The following PAX7 variants were observed in gnomAD, a reference collection of about 807,000 sequenced individuals.
The protein encoded by PAX7 is paired box 7, also known as paired box protein Pax-7.
A neutral mutation model predicts 50.7 loss-of-function variants in PAX7; 18 were observed. The ratio of observed to expected loss-of-function variants is 0.36; its 90% CI spans 0.25 to 0.53. The LOEUF is 0.53. PAX7 is among the 20% of genes least tolerant of loss of function. The probability of loss-of-function intolerance (pLI) is 0.93; values close to 1 mark genes in which losing one functional copy is unlikely to be tolerated. For missense variants in PAX7, 644 were observed against 702.9 expected (o/e 0.92, Z 0.95); for synonymous variants, 310 against 290.4 (o/e 1.07, Z -0.69).
chr1:18,641,532 G>A (rs866006175), intron 4 of PAX7, among the ~76,000 whole-genome samples: 5 of 152,256 alleles, frequency 3.3e-5, no homozygotes, highest in African/African-American at 4.8e-5. Flanking sequence ...CTGCGAGGGC[G>A]TGCGGGTTTT....
intron 4 of PAX7, among the ~76,000 whole-genome samples, chr1:18,644,415 ATGT>A (rs943179810): frequency 6.6e-6 from 1 of 152,174 alleles, no homozygotes; most frequent in Admixed American, 6.5e-5. Flanking sequence ...GCTAAGACAA[ATGT>A]TGTTATCCTT....
intron 6 of PAX7, among the ~76,000 whole-genome samples, chr1:18,701,980 C>G (rs1557539571): frequency 6.6e-6 from 1 of 152,136 alleles, no homozygotes; most frequent in Non-Finnish European, 1.5e-5. Context: ...GGAACTTGCT[C>G]TCATTCTGTC....
Position 18,686,772 on chromosome 1 carries a change from C to T in PAX7, c.587-4982C>T, listed in dbSNP as rs1023094529. 3.3e-5 allele frequency among the ~76,000 whole-genome samples: 5 copies of T among 152,098 alleles called. No individual in the cohort carries two copies. The East Asian group carries it at 5.8e-4, about 18-fold the overall frequency. On this transcript the variant is annotated intron_variant, in intron 4 of 8. Transcript: ENST00000420770. ...CACACTGCTTTGACCCTGTACTCCC[C>T]GCCCCGTTTCCTTTTCTGTCATCAC...
In PAX7 at chr1:18,633,384, T is replaced by C. The variant is rs567994855; in HGVS notation, c.86-919T>C. On this transcript the variant is annotated intron_variant, in intron 1 of 8. Transcript: ENST00000420770. Reference sequence around the variant, plus strand: ...TGAGGAAATTGTGTAGACTTTGCATTAAGGCAACCAGGCGTTCTCCCCTCC... The same window carrying C: ...TGAGGAAATTGTGTAGACTTTGCATCAAGGCAACCAGGCGTTCTCCCCTCC... Among the ~76,000 whole-genome samples, 6 of 152,232 alleles carry C rather than the reference T, an allele frequency of 3.9e-5. No homozygotes were observed. The South Asian group carries it at 6.2e-4, about 16-fold the overall frequency.
rs3079731 is a variant in PAX7 at position 18,639,395 on chromosome 1, A to ATTTTTT, written c.586+3030_586+3035dup. ...GGCTGATATTCATGAGGCTGTTCAT[A>ATTTTTT]TTTTTTTTTTTGCTCTTATCCTTGT... On this transcript the variant is annotated intron_variant, in intron 4 of 8. Transcript: ENST00000420770. Among the ~76,000 whole-genome samples the ATTTTTT allele has an allele frequency of 9.0e-3, 1,351 of 149,282 alleles. 16 individuals carry two copies. The highest frequency in any genetic ancestry group is 0.035 in the East Asian group (179 of 5,050).
chr1:18,638,546 T>G (rs1023084105), intron 4 of PAX7, among the ~76,000 whole-genome samples: 1 of 152,196 alleles, frequency 6.6e-6, no homozygotes, highest in Non-Finnish European at 1.5e-5. Context: ...AGTTTTTGCG[T>G]GACAGTGGGT....
chr1:18,689,545 T>C (rs1489458545), intron 4 of PAX7, among the ~76,000 whole-genome samples: 3 of 152,038 alleles, frequency 2.0e-5, no homozygotes, highest in Admixed American at 6.5e-5. Context: ...CTTCGCTGTG[T>C]GGCATGGCGT....
chr1:18,664,032 A>G (rs1200219444), intron 4 of PAX7, among the ~76,000 whole-genome samples: 1 of 152,200 alleles, frequency 6.6e-6, no homozygotes, highest in East Asian at 1.9e-4. Flanking sequence ...CAGGGCTGCA[A>G]TTCACTTTTC....
intron 5 of PAX7, among the ~76,000 whole-genome samples, chr1:18,692,193 G>C (rs910691071): frequency 1.3e-5 from 2 of 152,080 alleles, no homozygotes; most frequent in African/African-American, 4.8e-5. Context: ...ATAGAGGGAA[G>C]GGGGGAAGAA....
chr1:18,672,596 GTTTTTTTTTTT>G (rs1034079316), intron 4 of PAX7, among the ~76,000 whole-genome samples: 1 of 125,820 alleles, frequency 7.9e-6, no homozygotes, highest in African/African-American at 3.1e-5. Context: ...AGAGCACTGT[GTTTTTTTTTTT>G]TTTTTTTTTT....
intron 7 of PAX7, among the ~76,000 whole-genome samples, chr1:18,720,138 C>T (rs1277614064): frequency 6.6e-6 from 1 of 152,200 alleles, no homozygotes; most frequent in Non-Finnish European, 1.5e-5. Context: ...GTCTGTTCTG[C>T]ACTTTAACGA....
Position 18,631,396 on chromosome 1 carries a change from C to T in PAX7, c.-208C>T. 5.2e-6 allele frequency: 3 copies of T among 576,830 alleles called. No homozygotes were observed. Among genetic ancestry groups the T allele is most frequent in the Non-Finnish European group, 9.4e-6 (3 of 320,350 alleles). 35.7% of individuals were successfully genotyped at this position (576,830 alleles called of 1,614,324 possible). A position where few individuals can be genotyped will look rare whatever the true frequency, so the allele number is the denominator to read the frequency against. On this transcript the variant is annotated 5_prime_UTR_variant, in exon 1 of 9. Coordinates refer to ENST00000420770, the MANE Select transcript of PAX7 (RefSeq NM_001135254.2). ...CCTTCCCTCCCCCCAACCTCCACCC[C>T]ACCTCACCCCCCTCCCCAGCTTCTG...
At chr1:18,682,362 G>A (rs948723821) in intron 4 of PAX7, among the ~76,000 whole-genome samples, 2 of 152,154 alleles carry the variant, frequency 1.3e-5, no homozygotes, top group South Asian at 2.1e-4. Context: ...GTTAGGGGCC[G>A]GTGGGACCCT....
intron 4 of PAX7, among the ~76,000 whole-genome samples, chr1:18,647,268 G>C (rs1301012432): frequency 6.6e-6 from 1 of 152,170 alleles, no homozygotes; most frequent in African/African-American, 2.4e-5. Flanking sequence ...CTTGGGACGG[G>C]GTGGTGGAGG....
chr1:18,681,419 T>G (rs1364819155), intron 4 of PAX7, among the ~76,000 whole-genome samples: 1 of 152,118 alleles, frequency 6.6e-6, no homozygotes, highest in Non-Finnish European at 1.5e-5. Flanking sequence ...TTGTGCTTGG[T>G]TCACAGCTTG....
At chr1:18,680,448 G>A (rs1384441470) in intron 4 of PAX7, among the ~76,000 whole-genome samples, 1 of 152,162 alleles carries the variant, frequency 6.6e-6, no homozygotes, top group African/African-American at 2.4e-5. Flanking sequence ...ACACAAGGCT[G>A]GGAGCTCAGC....
chr1:18,740,190 C>T (rs1367335500), intron 8 of PAX7, among the ~76,000 whole-genome samples: 1 of 152,210 alleles, frequency 6.6e-6, no homozygotes, highest in Non-Finnish European at 1.5e-5. Context: ...CACAACCCTG[C>T]CCTCGCCGGC....
chr1:18,716,944 C>T lies in PAX7; in HGVS notation c.1155+13648C>T, dbSNP rs534417285. Among the ~76,000 whole-genome samples, 3 of 147,780 alleles carry T rather than the reference C, an allele frequency of 2.0e-5. No homozygotes were observed. The South Asian group carries it at 6.6e-4, about 32-fold the overall frequency. On this transcript the variant is annotated intron_variant, in intron 7 of 8. Transcript: ENST00000420770. ...AGGGACCGGGCGCGGGCTCCCGAGG[C>T]CGGGCGGACCCAAGTCCAGGGCGGG...
chr1:18,716,950 G>A (rs369239922), intron 7 of PAX7, among the ~76,000 whole-genome samples: 2 of 143,854 alleles, frequency 1.4e-5, no homozygotes, highest in South Asian at 2.3e-4. Flanking sequence ...GAGGCCGGGC[G>A]GACCCAAGTC....
Sources: gnomAD v4.1 joint callset for allele counts (sites outside exome capture counted in the v4.1 genomes callset) on GRCh38, gnomAD v4.1.1 for gene constraint, MANE v1.5 for transcripts, NCBI Gene and HGNC (gene_info 2026-07-23, HGNC 2026-07-21) for gene names.